SPAG16: variants seen among roughly 807,000 people sequenced by gnomAD.
SPAG16 encodes the protein sperm-associated antigen 16 protein.
Under a neutral mutation model 80.4 loss-of-function variants are expected in SPAG16, and 86 were observed. That is an observed-to-expected ratio of 1.07 (90% CI 0.90 to 1.28). SPAG16 has a LOEUF of 1.28. SPAG16 is among the 50% of genes most tolerant of loss of function. SPAG16 has a pLI of 0.00. For synonymous variants in SPAG16, 294 were observed against 265.9 expected (o/e 1.11, Z -1.03); for missense variants, 870 against 765.3 (o/e 1.14, Z -1.61).
intron 10 of SPAG16, among the ~76,000 whole-genome samples, chr2:213,500,429 A>G (rs1028772286): frequency 6.6e-6 from 1 of 152,218 alleles, no homozygotes; most frequent in Non-Finnish European, 1.5e-5. Flanking sequence ...CATATCGCTA[A>G]AACTTGCAAC....
At chr2:213,624,729 A>G (rs1438724682) in intron 10 of SPAG16, among the ~76,000 whole-genome samples, 1 of 152,208 alleles carries the variant, frequency 6.6e-6, no homozygotes, top group Non-Finnish European at 1.5e-5. Flanking sequence ...ATAGGAATTC[A>G]TACACTTCCT....
chr2:213,466,227 T>C (rs927894172), intron 9 of SPAG16, among the ~76,000 whole-genome samples: 1 of 152,166 alleles, frequency 6.6e-6, no homozygotes, highest in African/African-American at 2.4e-5. Flanking sequence ...CAATACTCCT[T>C]AATAAAGTCC....
intron 13 of SPAG16, among the ~76,000 whole-genome samples, chr2:214,069,702 C>CT (rs200275489): frequency 3.9e-4 from 59 of 150,952 alleles, no homozygotes; most frequent in East Asian, 2.5e-3. Flanking sequence ...CTTCTGTCAC[C>CT]TTTTTTTTTG....
At chr2:213,780,458 A>G (rs2069872082) in intron 10 of SPAG16, among the ~76,000 whole-genome samples, 3 of 148,482 alleles carry the variant, frequency 2.0e-5, no homozygotes, top group Admixed American at 6.7e-5. Context: ...TATTATTCCT[A>G]TTTTCTGGAC....
chr2:213,806,739 G>A (rs946500917), intron 10 of SPAG16, among the ~76,000 whole-genome samples: 1 of 152,156 alleles, frequency 6.6e-6, no homozygotes, highest in East Asian at 1.9e-4. Flanking sequence ...TTGAGTTAAG[G>A]CATGGATGAT....
chr2:213,629,830 T>G (rs1442741356), intron 10 of SPAG16, among the ~76,000 whole-genome samples: 3 of 152,206 alleles, frequency 2.0e-5, no homozygotes, highest in Non-Finnish European at 4.4e-5. Context: ...CTGTCTAATG[T>G]AAAGTCTCTA....
chr2:214,371,087 G>A (rs1303581616), intron 15 of SPAG16, among the ~76,000 whole-genome samples: 1 of 152,100 alleles, frequency 6.6e-6, no homozygotes, highest in South Asian at 2.1e-4. Context: ...ATTAAGGTGG[G>A]CTATTACTGG....
At chr2:214,084,564 C>T (rs918070566) in intron 13 of SPAG16, among the ~76,000 whole-genome samples, 1 of 152,202 alleles carries the variant, frequency 6.6e-6, no homozygotes, top group Non-Finnish European at 1.5e-5. Context: ...CTTTATCCAA[C>T]CCACCAGTGT....
intron 11 of SPAG16, among the ~76,000 whole-genome samples, chr2:213,927,840 C>G (rs2106235312): frequency 6.6e-6 from 1 of 152,264 alleles, no homozygotes; most frequent in East Asian, 1.9e-4. Flanking sequence ...TCCATAATAA[C>G]ATGATACCCA....
intron 9 of SPAG16, among the ~76,000 whole-genome samples, chr2:213,413,714 G>A (rs2069110138): frequency 6.6e-6 from 1 of 152,088 alleles, no homozygotes; most frequent in Non-Finnish European, 1.5e-5. Flanking sequence ...CTAAAAAGAT[G>A]GCAGGGTAAA....
rs551243856 is a variant in SPAG16 at position 213,937,168 on chromosome 2, G to A, written c.1400+7023G>A. On this transcript the variant is annotated intron_variant, in intron 12 of 15. Transcript: ENST00000331683. Reference sequence around the variant, plus strand: ...TAGTATTTATAACACAAAATGTTCCGTTAATATATTTTATGTTCTTTATGT... The same window carrying A: ...TAGTATTTATAACACAAAATGTTCCATTAATATATTTTATGTTCTTTATGT... Among the ~76,000 whole-genome samples, 54 of 152,132 alleles carry A rather than the reference G, an allele frequency of 3.5e-4. No homozygotes were observed. The South Asian group carries it at 7.5e-3, about 21-fold the overall frequency.
chr2:214,120,240 A>G (rs2054149433), intron 14 of SPAG16, among the ~76,000 whole-genome samples: 1 of 151,710 alleles, frequency 6.6e-6, no homozygotes, highest in South Asian at 2.1e-4. Flanking sequence ...TGGCATCCCA[A>G]TTAATTTCTT....
chr2:213,555,598 A>C (rs1021715596), intron 10 of SPAG16, among the ~76,000 whole-genome samples: 1 of 152,232 alleles, frequency 6.6e-6, no homozygotes, highest in African/African-American at 2.4e-5. Context: ...CAGTGTAAGA[A>C]CAGACAAATA....
chr2:213,732,473 C>T (rs2067095341), intron 10 of SPAG16, among the ~76,000 whole-genome samples: 1 of 152,134 alleles, frequency 6.6e-6, no homozygotes, highest in South Asian at 2.1e-4. Flanking sequence ...TACTATAGCC[C>T]TATAGTATAG....
chr2:214,067,176 A>G (rs2050570569), intron 13 of SPAG16, among the ~76,000 whole-genome samples: 1 of 152,202 alleles, frequency 6.6e-6, no homozygotes, highest in Non-Finnish European at 1.5e-5. Context: ...AGGGAGAGCA[A>G]TAAGACCAGT....
chr2:213,402,966 T>C (rs1406481742), intron 9 of SPAG16, among the ~76,000 whole-genome samples: 4 of 152,070 alleles, frequency 2.6e-5, no homozygotes, highest in Admixed American at 2.6e-4. Context: ...CTGGGTCAAA[T>C]GGTATTTCTA....
chr2:213,893,600 A>C (rs563141260), intron 11 of SPAG16, among the ~76,000 whole-genome samples: 10 of 152,250 alleles, frequency 6.6e-5, no homozygotes, highest in African/African-American at 2.4e-4. Flanking sequence ...ATGGAGTTAA[A>C]ATGCAGATTT....
intron 9 of SPAG16, among the ~76,000 whole-genome samples, chr2:213,423,088 A>C (rs552708173): frequency 1.3e-5 from 2 of 152,220 alleles, no homozygotes; most frequent in African/African-American, 4.8e-5. Flanking sequence ...GCTACTGTTG[A>C]TATAAACTTT....
At chr2:214,263,925 C>T (rs2125877917) in intron 15 of SPAG16, among the ~76,000 whole-genome samples, 1 of 152,272 alleles carries the variant, frequency 6.6e-6, no homozygotes, top group East Asian at 1.9e-4. Flanking sequence ...ATTTAGTTCA[C>T]TGACATCCTG....
Sources: gnomAD v4.1 joint callset for allele counts (sites outside exome capture counted in the v4.1 genomes callset) on GRCh38, gnomAD v4.1.1 for gene constraint, MANE v1.5 for transcripts, NCBI Gene and HGNC (gene_info 2026-07-23, HGNC 2026-07-21) for gene names.